HAVCR1: variants seen among roughly 807,000 people sequenced by gnomAD.
HAVCR1 encodes T cell immunoglobin domain and mucin domain protein 1.
In HAVCR1, 34 loss-of-function variants were observed where a neutral mutation model predicts 32.0. The observed-to-expected ratio is 1.06, with a 90% confidence interval of 0.81 to 1.42. The LOEUF is 1.42. Ranked by LOEUF, HAVCR1 falls within the 40% of genes most tolerant of loss-of-function variation. The pLI, the probability that HAVCR1 is intolerant of heterozygous loss-of-function variation, is 0.00. For missense variants in HAVCR1, 420 were observed against 442.3 expected (o/e 0.95, Z 0.45); for synonymous variants, 178 against 170.3 (o/e 1.05, Z -0.35).
In HAVCR1 at chr5:157,052,994, C is replaced by T. The variant is rs1755862209; in HGVS notation, c.380-340G>A. ...CAGTGGCATGATCAACTCACTGCTGCCTCGAACTCCCAGGCTGAAGCAATC... is the reference window on the plus strand; with the variant it reads ...CAGTGGCATGATCAACTCACTGCTGTCTCGAACTCCCAGGCTGAAGCAATC... On this transcript the variant is annotated intron_variant, in intron 3 of 8. Transcript: ENST00000523175. Among the ~76,000 whole-genome samples the T allele has an allele frequency of 2.0e-5, 3 of 152,220 alleles. 1 individual carries two copies. The South Asian group carries it at 6.2e-4, about 31-fold the overall frequency.
chr5:157,045,333 C>T (rs1255114362), intron 5 of HAVCR1, among the ~76,000 whole-genome samples: 2 of 152,146 alleles, frequency 1.3e-5, no homozygotes, highest in East Asian at 1.9e-4. Context: ...GAACTACAAC[C>T]TATTAATAGT....
chr5:157,049,514 A>G (rs981597950), intron 4 of HAVCR1, among the ~76,000 whole-genome samples: 8 of 152,250 alleles, frequency 5.3e-5, no homozygotes, highest in African/African-American at 1.9e-4. Context: ...AGAATACCCA[A>G]TTAAGCTTTA....
the HAVCR1 span, among the ~76,000 whole-genome samples, chr5:157,068,405 G>A: frequency 2.6e-5 from 4 of 152,036 alleles, no homozygotes; most frequent in East Asian, 1.9e-4. Flanking sequence ...GCAACATAGC[G>A]AAACCGTATC....
At chr5:157,037,908 G>A (rs1260098733) in intron 6 of HAVCR1, among the ~76,000 whole-genome samples, 1 of 152,004 alleles carries the variant, frequency 6.6e-6, no homozygotes. Context: ...CAGCTACTTG[G>A]GAGGCGGAGG....
At chr5:157,044,615 G>GAAAAAGAAAGAAAGAA (rs760337335) in intron 5 of HAVCR1, among the ~76,000 whole-genome samples, 8 of 52,728 alleles carry the variant, frequency 1.5e-4, no homozygotes, top group African/African-American at 4.5e-4. Context: ...AAGAAAGAAA[G>GAAAAAGAAAGAAAGAA]AGAAAGAAAG....
chr5:157,039,780 T>C (rs1754763083), intron 6 of HAVCR1, among the ~76,000 whole-genome samples: 1 of 152,234 alleles, frequency 6.6e-6, no homozygotes, highest in African/African-American at 2.4e-5. Context: ...CATACATTTT[T>C]ATTTATTAGT....
intron 5 of HAVCR1, among the ~76,000 whole-genome samples, chr5:157,048,704 C>A (rs1755558265): frequency 6.6e-6 from 1 of 152,108 alleles, no homozygotes; most frequent in African/African-American, 2.4e-5. Flanking sequence ...GTGGCGGGCG[C>A]CTGTAGTCCC....
chr5:157,037,196 A>G, intron 7 of HAVCR1, 51 bp downstream of exon 7: 1 of 874,758 alleles, frequency 1.1e-6, no homozygotes, highest in Non-Finnish European at 2.0e-6. Flanking sequence ...GAACCCAGGC[A>G]ATTTTGCTGT....
chr5:157,052,558 GTCATTGGAACAGT>G lies in HAVCR1; in HGVS notation c.463_475del (p.Thr155ArgfsTer12). 4.1e-5 allele frequency: 9 copies of G among 219,542 alleles called. No individual in the cohort carries two copies. The highest frequency in any genetic ancestry group is 5.3e-5 in the Non-Finnish European group (9 of 168,556). 13.6% of individuals were successfully genotyped at this position (219,542 alleles called of 1,614,324 possible). On this transcript the variant is annotated frameshift_variant, in exon 4 of 9. Coordinates refer to ENST00000523175, the MANE Select transcript of HAVCR1 (RefSeq NM_001173393.3). LOFTEE classifies it high-confidence loss of function. ...TGGAACAGTTGTCGTTGGAACAGTC[GTCATTGGAACAGT>G]CGTTGTCGTTGGAACAGTGGTGCTC...
intron 1 of HAVCR1, 182 bp from the exon 2 acceptor site, chr5:157,058,137 C>T (rs1415552127): frequency 1.8e-6 from 1 of 571,056 alleles, no homozygotes; most frequent in Non-Finnish European, 3.1e-6. Flanking sequence ...TTCCCTGCAG[C>T]TGAGAGCTCT....
Position 157,042,658 on chromosome 5 carries a change from G to C in HAVCR1, c.806C>G (p.Ser269Cys). 4.4e-6 allele frequency: 7 copies of C among 1,595,986 alleles called. No homozygotes were observed. Among genetic ancestry groups the C allele is most frequent in the Non-Finnish European group, 6.0e-6 (7 of 1,164,422 alleles). Residue 269 changes from serine (S) to cysteine (C), a missense_variant, in exon 6 of 9, where the codon TCT becomes TGT. Ser to Cys is a moderately radical substitution (Grantham distance 112). Transcript: ENST00000523175. The stretch of plus-strand genomic sequence containing the variant: ...ATTGTTATTCCAAAGGCCATCTGAA[G>C]ACTCTGTCACGGTGTCATTCCCATC... ...TTDGNDTVTESSDGLWNNNQT... is the reference protein window; with the variant it reads ...TTDGNDTVTECSDGLWNNNQT...
chr5:157,042,515 G>GAA, intron 6 of HAVCR1, 112 bp downstream of exon 6: 4 of 536,658 alleles, frequency 7.5e-6, no homozygotes, highest in South Asian at 6.6e-5. Flanking sequence ...TTTTTAAGAA[G>GAA]AAAAAAAAAA....
intron 3 of HAVCR1, 21 bp from the exon 4 acceptor site, chr5:157,052,675 G>T: frequency 1.9e-6 from 3 of 1,604,694 alleles, no homozygotes; most frequent in Non-Finnish European, 2.6e-6. Context: ...AAATCAACAT[G>T]AGAGTGAGCA....
the HAVCR1 span, among the ~76,000 whole-genome samples, chr5:157,066,150 T>C: frequency 6.7e-6 from 1 of 149,870 alleles, no homozygotes. Context: ...AAAAAGGTCC[T>C]AGAAGCCAAG....
In HAVCR1 at chr5:157,052,540, G is replaced by A. The variant is rs1195142602; in HGVS notation, c.494C>T (p.Thr165Ile). The A allele has an allele frequency of 1.3e-6, 2 of 1,541,672 alleles. No individual in the cohort carries two copies. Among genetic ancestry groups the A allele is most frequent in the South Asian group, 2.3e-5 (2 of 86,598 alleles). The change falls in exon 4 of 9, where the codon ACT (threonine) becomes ATT (isoleucine). Residue 165 changes from threonine (T) to isoleucine (I), a missense_variant. Physicochemically the swap from Thr to Ile is moderately conservative, Grantham distance 89. Coordinates refer to ENST00000523175, the MANE Select transcript of HAVCR1 (RefSeq NM_001173393.3). ...TGGAATGCTCATTGTTGTTGGAACA[G>A]TTGTCGTTGGAACAGTCGTCATTGG... ...TVPMTTVPTT[T>I]VPTTMSIPTT...
chr5:157,058,911 G>A lies in HAVCR1; in HGVS notation c.-13+10C>T, dbSNP rs1756392890. 1.3e-5 allele frequency: 2 copies of A among 152,250 alleles called. No homozygotes were observed. Among genetic ancestry groups the A allele is most frequent in the African/African-American group, 4.8e-5 (2 of 41,454 alleles). The allele number at this position is 152,250 out of a possible 1,614,324, so 9.4% of individuals were successfully genotyped here. A position where few individuals can be genotyped will look rare whatever the true frequency, so the allele number is the denominator to read the frequency against. ...ATGCTTCAGGAAACAGAAGTCTGGA[G>A]CAGACTTACGTTCAGATCCAGGCTC... On this transcript the variant is annotated intron_variant, in intron 1 of 8. Coordinates refer to ENST00000523175, the MANE Select transcript of HAVCR1 (RefSeq NM_001173393.3).
At chr5:157,034,021 C>A (rs1376717829) in intron 7 of HAVCR1, among the ~76,000 whole-genome samples, 1 of 152,176 alleles carries the variant, frequency 6.6e-6, no homozygotes, top group East Asian at 1.9e-4. Flanking sequence ...CCAGCCCCTC[C>A]ACACCTGTGG....
At position 157,029,541 on chromosome 5, in the gene HAVCR1, A is replaced by G; in HGVS notation, c.*192T>C. On this transcript the variant is annotated 3_prime_UTR_variant, in exon 9 of 9. Coordinates refer to ENST00000523175, the MANE Select transcript of HAVCR1 (RefSeq NM_001173393.3). ...TTTTAGCATAAAAAATTAGGACTAC[A>G]TTAATGATGAGGTTGACTATACACA... 1.4e-6 allele frequency: 2 copies of G among 1,432,072 alleles called. No individual in the cohort carries two copies. The highest frequency in any genetic ancestry group is 2.0e-5 in the Admixed American group (1 of 50,490). 88.7% of individuals were successfully genotyped at this position (1,432,072 alleles called of 1,614,324 possible). A position where few individuals can be genotyped will look rare whatever the true frequency, so the allele number is the denominator to read the frequency against.
chr5:157,036,773 G>A (rs1377707039), intron 7 of HAVCR1, among the ~76,000 whole-genome samples: 4 of 152,200 alleles, frequency 2.6e-5, no homozygotes, highest in African/African-American at 7.2e-5. Flanking sequence ...CTGGGCTCAA[G>A]CAATCCTCCT....
Sources: gnomAD v4.1 joint callset for allele counts (sites outside exome capture counted in the v4.1 genomes callset) on GRCh38, gnomAD v4.1.1 for gene constraint, MANE v1.5 for transcripts, NCBI Gene and HGNC (gene_info 2026-07-23, HGNC 2026-07-21) for gene names.